LAMA3: variants seen among roughly 807,000 people sequenced by gnomAD.
LAMA3 encodes the protein laminin subunit alpha 3.
In LAMA3, 281 loss-of-function variants were observed where a neutral mutation model predicts 402.0. The ratio of observed to expected loss-of-function variants is 0.70; its 90% confidence interval spans 0.63 to 0.77. The LOEUF (loss-of-function observed/expected upper bound fraction) is 0.77. Among genes scored for constraint, LAMA3 ranks in the 30% least tolerant of loss-of-function variants. The probability of loss-of-function intolerance (pLI) is 0.00; values close to 1 mark genes in which losing one functional copy is unlikely to be tolerated. For synonymous variants in LAMA3, 1,431 were observed against 1,558.4 expected, an observed-to-expected ratio of 0.92 and a Z score of 1.93; for missense variants, 3,840 against 4,215.5, an observed-to-expected ratio of 0.91 and a Z score of 2.47.
chr18:23,831,771 A>G (rs1158232921), intron 23 of LAMA3, among the ~76,000 whole-genome samples: 3 of 152,162 alleles, frequency 2.0e-5, no homozygotes, highest in Non-Finnish European at 2.9e-5. Context: ...TCATTTTGAC[A>G]TCAGACATAT....
At chr18:23,946,068 C>T (rs1016547603) in intron 69 of LAMA3, 76 bp from the exon 70 acceptor site, 8 of 1,395,716 alleles carry the variant, frequency 5.7e-6, no homozygotes, top group African/African-American at 4.2e-5. Flanking sequence ...TTTAATTTGG[C>T]CACTAATATT....
intron 48 of LAMA3, among the ~76,000 whole-genome samples, chr18:23,901,866 G>T (rs910220117): frequency 6.6e-6 from 1 of 152,174 alleles, no homozygotes; most frequent in African/African-American, 2.4e-5. Context: ...GCTAATTTTT[G>T]TATTTTTAGT....
At position 23,867,885 on chromosome 18, in the gene LAMA3, C is replaced by G. The variant is rs371719054; in HGVS notation, c.4735C>G (p.Arg1579Gly). ...YEETNTPRPDRLHHGRVHVVE... is the reference protein window; with the variant it reads ...YEETNTPRPDGLHHGRVHVVE... ...GGAGACAAACACCCCACGGCCAGAC[C>G]GGCTGCATCATGGACGAGTGCACGT... Residue 1579 changes from arginine to glycine, a missense_variant, in exon 37 of 75, where the codon CGG becomes GGG. Arg to Gly is a moderately radical substitution (Grantham distance 125, BLOSUM62 -2). Coordinates refer to ENST00000313654, the MANE Select transcript of LAMA3 (RefSeq NM_198129.4). 1.2e-6 allele frequency: 2 copies of G among 1,614,034 alleles called. No homozygotes were observed. Among genetic ancestry groups the G allele is most frequent in the African/African-American group, 1.3e-5 (1 of 75,028 alleles).
chr18:23,772,073 G>A (rs781191280), intron 8 of LAMA3, among the ~76,000 whole-genome samples: 1 of 136,510 alleles, frequency 7.3e-6, no homozygotes. Flanking sequence ...ACGGAGTCTT[G>A]CTCTGTCACC....
chr18:23,887,058 C>T (rs546002382), intron 41 of LAMA3, among the ~76,000 whole-genome samples: 8 of 152,356 alleles, frequency 5.3e-5, no homozygotes, highest in East Asian at 1.9e-4. Context: ...GCATTTCTCA[C>T]ACTTGCCTTA....
intron 12 of LAMA3, among the ~76,000 whole-genome samples, 175 bp from the exon 13 acceptor site, chr18:23,810,191 T>C (rs1309019174): frequency 6.6e-6 from 1 of 152,212 alleles, no homozygotes; most frequent in Non-Finnish European, 1.5e-5. Context: ...AAGGAGAAAC[T>C]GAGGCTTAGA....
In LAMA3 at chr18:23,713,878, T is replaced by A. The variant is rs765497590; in HGVS notation, c.295-42T>A. ...AAAAAATTACTTGAAAGTAAAAAAATAAAAAACAAAAAACAAAAAAAACCC... is the reference window on the plus strand; with the variant it reads ...AAAAAATTACTTGAAAGTAAAAAAAAAAAAAACAAAAAACAAAAAAAACCC... On this transcript the variant is annotated intron_variant, in intron 1 of 74. Transcript: ENST00000313654. 65 of 1,586,936 alleles carry A rather than the reference T, an allele frequency of 4.1e-5. No individual in the cohort carries two copies. In the African/African-American group the frequency reaches 8.3e-4, roughly 20 times the overall value.
At chr18:23,948,189 C>T (rs935195243) in intron 70 of LAMA3, among the ~76,000 whole-genome samples, 2 of 152,314 alleles carry the variant, frequency 1.3e-5, no homozygotes, top group Non-Finnish European at 2.9e-5. Context: ...TCTCTTCAAA[C>T]CACCTTAATC....
intron 36 of LAMA3, among the ~76,000 whole-genome samples, chr18:23,865,328 G>A (rs2064328786): frequency 6.6e-6 from 1 of 152,080 alleles, no homozygotes; most frequent in Admixed American, 6.6e-5. Flanking sequence ...GTAGAGATAG[G>A]ATCTCACTAT....
chr18:23,703,102 T>C (rs896135595), intron 1 of LAMA3, among the ~76,000 whole-genome samples: 2 of 152,234 alleles, frequency 1.3e-5, no homozygotes, highest in Admixed American at 6.5e-5. Context: ...CAGTCGTCAC[T>C]GCCTCTGAGG....
At chr18:23,745,562 T>C (rs1384396803) in intron 2 of LAMA3, among the ~76,000 whole-genome samples, 1 of 152,184 alleles carries the variant, frequency 6.6e-6, no homozygotes, top group African/African-American at 2.4e-5. Flanking sequence ...TAGCAAACAC[T>C]CAGTGGGTGG....
Position 23,954,933 on chromosome 18 carries a change from G to A in LAMA3, c.*285G>A. 2.6e-6 allele frequency: 1 copy of A among 390,368 alleles called. No individual in the cohort carries two copies. Among genetic ancestry groups the A allele is most frequent in the Non-Finnish European group, 4.7e-6 (1 of 213,204 alleles). The allele number at this position is 390,368 out of a possible 1,614,324, so 24.2% of individuals were successfully genotyped here. A position where few individuals can be genotyped will look rare whatever the true frequency, so the allele number is the denominator to read the frequency against. On this transcript the variant is annotated 3_prime_UTR_variant, in exon 75 of 75. Transcript: ENST00000313654. ...ATTAATTTCCACTAAAAAATTAAAT[G>A]TCTTTTAAGAAACATTCTTTTCCAC...
intron 38 of LAMA3, among the ~76,000 whole-genome samples, chr18:23,873,992 G>A (rs2064620084): frequency 6.6e-6 from 1 of 152,120 alleles, no homozygotes. Context: ...TGCTTTATAA[G>A]AGGTGAAAAA....
chr18:23,694,005 G>T (rs570772171), intron 1 of LAMA3, among the ~76,000 whole-genome samples: 1 of 152,070 alleles, frequency 6.6e-6, no homozygotes, highest in African/African-American at 2.4e-5. Context: ...GTCTTTTTCT[G>T]CTTTGCAATA....
chr18:23,914,435 C>T lies in LAMA3; in HGVS notation c.7355C>T (p.Ala2452Val). ...KDASRDYIGM[A>V]VVDGQLTCVY... The stretch of plus-strand genomic sequence containing the variant: ...GCCTCCCGGGACTACATCGGCATGG[C>T]AGTTGTGGATGGCCAGCTCACCTGT... Residue 2452 changes from alanine (A) to valine (V), a missense_variant, in exon 57 of 75, where the codon GCA (alanine) becomes GTA (valine). Ala to Val is a moderately conservative substitution (Grantham distance 64, BLOSUM62 0). Around this residue, in one of 3 missense-constraint regions of LAMA3, gnomAD observed 891 missense variants for 857.5 expected, o/e 1.04. Transcript: ENST00000313654. 6.2e-7 allele frequency: 1 copy of T among 1,614,086 alleles called. No homozygotes were observed. Among genetic ancestry groups the T allele is most frequent in the Non-Finnish European group, 8.5e-7 (1 of 1,179,990 alleles).
chr18:23,909,260 G>C lies in LAMA3; in HGVS notation c.7123G>C (p.Glu2375Gln). The change falls in exon 55 of 75, where the codon GAA (glutamate) becomes CAA (glutamine). Residue 2375 changes from glutamate (E) to glutamine (Q), a missense_variant. Around this residue, in one of 3 missense-constraint regions of LAMA3, gnomAD observed 891 missense variants for 857.5 expected, o/e 1.04. Coordinates refer to ENST00000313654, the MANE Select transcript of LAMA3 (RefSeq NM_198129.4). ...NISDNMDRIR[E>Q]LIQQARDAAS... ...CTCTGACAACATGGACAGAATACGA[G>C]AACTAATTCAGCAGGCCAGAGATGC... 6.2e-7 allele frequency: 1 copy of C among 1,613,400 alleles called. No individual in the cohort carries two copies. The highest frequency in any genetic ancestry group is 1.1e-5 in the South Asian group (1 of 91,082).
chr18:23,865,924 C>T (rs568026357), intron 36 of LAMA3, among the ~76,000 whole-genome samples: 65 of 152,246 alleles, frequency 4.3e-4, no homozygotes, highest in South Asian at 8.3e-4. Flanking sequence ...AGTCTGCCTC[C>T]CTGGTTCAAG....
chr18:23,868,481 G>T (rs982106558), intron 37 of LAMA3, among the ~76,000 whole-genome samples: 2 of 152,126 alleles, frequency 1.3e-5, no homozygotes, highest in African/African-American at 4.8e-5. Flanking sequence ...GCATGGTGGG[G>T]TGTGCCTGTA....
chr18:23,841,292 G>A (rs555697793), intron 27 of LAMA3, among the ~76,000 whole-genome samples: 2 of 152,332 alleles, frequency 1.3e-5, no homozygotes, highest in Admixed American at 1.3e-4. Context: ...TGTTGTTGCT[G>A]TTGAAGATTT....
Sources: gnomAD v4.1 joint callset for allele counts (sites outside exome capture counted in the v4.1 genomes callset) on GRCh38, gnomAD v4.1.1 for gene constraint, gnomAD v4.1.1 regional missense constraint, MANE v1.5 for transcripts, NCBI Gene and HGNC (gene_info 2026-07-23, HGNC 2026-07-21) for gene names.